BMPR1A: variants seen among roughly 807,000 people sequenced by gnomAD.
The protein encoded by BMPR1A is bone morphogenetic protein receptor type-1A.
Under a neutral mutation model 66.0 loss-of-function variants are expected in BMPR1A, and 7 were observed. The ratio of observed to expected loss-of-function variants is 0.11; its 90% confidence interval spans 0.06 to 0.20. The LOEUF (loss-of-function observed/expected upper bound fraction) is 0.20, where lower values mean the gene tolerates loss of function less well. Among genes scored for constraint, BMPR1A ranks in the 10% least tolerant of loss-of-function variants. BMPR1A has a pLI of 1.00. For missense variants in BMPR1A, 408 were observed against 669.1 expected, an observed-to-expected ratio of 0.61 and a Z score of 4.31; for synonymous variants, 200 against 229.7, an observed-to-expected ratio of 0.87 and a Z score of 1.17.
intron 1 of BMPR1A, among the ~76,000 whole-genome samples, chr10:86,837,587 G>A (rs1214575496): frequency 6.6e-6 from 1 of 152,134 alleles, no homozygotes; most frequent in African/African-American, 2.4e-5. Context: ...TAGTAAAAGG[G>A]AAATTAAAGA....
chr10:86,759,000 T>G (rs1183110732), intron 1 of BMPR1A, among the ~76,000 whole-genome samples: 2 of 152,236 alleles, frequency 1.3e-5, no homozygotes, highest in East Asian at 3.8e-4. Context: ...GGGAAATACT[T>G]ATTGAAAAAT....
At chr10:86,829,092 A>C (rs1446178825) in intron 1 of BMPR1A, among the ~76,000 whole-genome samples, 1 of 152,082 alleles carries the variant, frequency 6.6e-6, no homozygotes, top group East Asian at 1.9e-4. Context: ...CCCTTTCCCA[A>C]CTTCAGACTG....
chr10:86,847,125 G>T (rs1471783070), intron 2 of BMPR1A, among the ~76,000 whole-genome samples: 2 of 152,114 alleles, frequency 1.3e-5, no homozygotes, highest in Non-Finnish European at 2.9e-5. Flanking sequence ...AAAGTGCTGG[G>T]ATTACAGACG....
At chr10:86,878,579 A>G (rs971481221) in intron 3 of BMPR1A, among the ~76,000 whole-genome samples, 1 of 152,222 alleles carries the variant, frequency 6.6e-6, no homozygotes, top group African/African-American at 2.4e-5. Flanking sequence ...GTTATTGAGT[A>G]GTGTCAAGGC....
At chr10:86,931,298 C>CACATATATATATATATATATATATATAT, downstream of BMPR1A, 8 of 90,888 alleles carry the variant, frequency 8.8e-5, no homozygotes, top group African/African-American at 3.5e-4. Context: ...CACACACACA[C>CACATATATATATATATATATATATATAT]ATATATATAT....
chr10:86,788,344 T>A (rs1003933778), intron 1 of BMPR1A, among the ~76,000 whole-genome samples: 1 of 152,210 alleles, frequency 6.6e-6, no homozygotes, highest in Non-Finnish European at 1.5e-5. Flanking sequence ...TTCATCAACT[T>A]CATGCTGAGT....
chr10:86,785,986 C>T (rs111770200), intron 1 of BMPR1A, among the ~76,000 whole-genome samples: 23 of 152,302 alleles, frequency 1.5e-4, no homozygotes, highest in Admixed American at 3.9e-4. Flanking sequence ...AATCCTTCAA[C>T]GTCACTTTCA....
At chr10:86,872,915 G>C (rs541308633) in intron 2 of BMPR1A, among the ~76,000 whole-genome samples, 8 of 152,272 alleles carry the variant, frequency 5.3e-5, no homozygotes, top group African/African-American at 1.7e-4. Flanking sequence ...ACCACAGTTG[G>C]CCTCATTCCA....
At chr10:86,838,764 T>C (rs1842387430) in intron 1 of BMPR1A, 101 bp from the exon 2 acceptor site, 1 of 152,210 alleles carries the variant, frequency 6.6e-6, no homozygotes, top group South Asian at 2.1e-4. Context: ...ACTTTGAAAA[T>C]GTATAGTTGT....
At chr10:86,832,035 A>G (rs774424983) in intron 1 of BMPR1A, among the ~76,000 whole-genome samples, 2 of 152,208 alleles carry the variant, frequency 1.3e-5, no homozygotes, top group Non-Finnish European at 1.5e-5. Context: ...TAAGTGCACA[A>G]TGTGTTATTA....
At chr10:86,823,399 TAA>T (rs752679615) in intron 1 of BMPR1A, among the ~76,000 whole-genome samples, 27 of 152,330 alleles carry the variant, frequency 1.8e-4, no homozygotes, top group Non-Finnish European at 3.1e-4. Context: ...CGGAGGAGGT[TAA>T]ACAACTTGGT....
At chr10:86,876,742 A>C (rs1459243409) in intron 3 of BMPR1A, among the ~76,000 whole-genome samples, 4 of 152,222 alleles carry the variant, frequency 2.6e-5, no homozygotes, top group African/African-American at 9.6e-5. Context: ...AATGCACTCT[A>C]GCCTGGGCGA....
intron 5 of BMPR1A, among the ~76,000 whole-genome samples, chr10:86,894,518 C>T (rs1415749816): frequency 6.6e-6 from 1 of 152,166 alleles, no homozygotes; most frequent in African/African-American, 2.4e-5. Flanking sequence ...GAAGAAAGAG[C>T]TATGGTTAGG....
chr10:86,869,310 T>C (rs759883819), intron 2 of BMPR1A, among the ~76,000 whole-genome samples: 14 of 151,616 alleles, frequency 9.2e-5, no homozygotes, highest in Non-Finnish European at 4.4e-5. Context: ...ATAGAAAAAT[T>C]AGCTGGACGT....
rs550763685 is a variant in BMPR1A, at chr10:86,853,281, A to G, written c.-153+14302A>G. 4.0e-5 allele frequency among the ~76,000 whole-genome samples: 6 copies of G among 151,680 alleles called. No individual in the cohort carries two copies. In the East Asian group the frequency reaches 9.6e-4, roughly 24 times the overall value. On this transcript the variant is annotated intron_variant, in intron 2 of 12. Transcript: ENST00000372037. ...ATTCAGAGATAAGCCTTTGGCCCAG[A>G]TGATCTTTTTTTCTAAGAAAAAAAA... is the stretch of plus-strand genomic sequence containing the variant.
chr10:86,792,638 A>T (rs1007458377), intron 1 of BMPR1A, among the ~76,000 whole-genome samples: 1 of 152,158 alleles, frequency 6.6e-6, no homozygotes, highest in African/African-American at 2.4e-5. Flanking sequence ...TCTATAAAAC[A>T]AACAAACAAA....
At chr10:86,758,389 T>TG in intron 1 of BMPR1A, among the ~76,000 whole-genome samples, 1 of 151,490 alleles carries the variant, frequency 6.6e-6, no homozygotes, top group Non-Finnish European at 1.5e-5. Context: ...TTTTTTGTCT[T>TG]TCTTATTAGT....
chr10:86,887,055 AC>A (rs1843076381), intron 3 of BMPR1A, among the ~76,000 whole-genome samples: 2 of 150,596 alleles, frequency 1.3e-5, no homozygotes, highest in African/African-American at 4.9e-5. Context: ...CTGGTCTTGA[AC>A]TCCTGACCTC....
chr10:86,855,394 G>T lies in BMPR1A; in HGVS notation c.-153+16415G>T. 3 of 806,828 alleles carry T rather than the reference G, an allele frequency of 3.7e-6. No homozygotes were observed. The South Asian group carries it at 5.7e-5, about 15-fold the overall frequency. The allele number at this position is 806,828 out of a possible 1,614,324, so 50.0% of individuals were successfully genotyped here. A position where few individuals can be genotyped will look rare whatever the true frequency, so the allele number is the denominator to read the frequency against. On this transcript the variant is annotated intron_variant, in intron 2 of 12. Coordinates refer to ENST00000372037, the MANE Select transcript of BMPR1A (RefSeq NM_004329.3). ...AGACACTGACTTAGAAACTTGGTTT[G>T]ATTTGGCAAATTTTCTGTTAAAATG...
Sources: gnomAD v4.1 joint callset for allele counts (sites outside exome capture counted in the v4.1 genomes callset) on GRCh38, gnomAD v4.1.1 for gene constraint, MANE v1.5 for transcripts, NCBI Gene and HGNC (gene_info 2026-07-23, HGNC 2026-07-21) for gene names.